The following EMC8 variants were observed in gnomAD, a reference collection of about 807,000 sequenced individuals.
The protein encoded by EMC8 is ER membrane protein complex subunit 8.
In EMC8, 11 loss-of-function variants were observed where a neutral mutation model predicts 24.3. That is an observed-to-expected ratio of 0.45 (90% CI 0.28 to 0.75). EMC8 has a LOEUF of 0.75. Among genes scored for constraint, EMC8 ranks in the 30% least tolerant of loss-of-function variants. EMC8 has a pLI of 0.12. For missense variants in EMC8, 277 were observed against 282.7 expected (o/e 0.98, Z 0.14); for synonymous variants, 145 against 117.7 (o/e 1.23, Z -1.50).
At chr16:85,781,448 A>G in intron 2 of EMC8, 168 bp from the exon 3 acceptor site, 1 of 593,994 alleles carries the variant, frequency 1.7e-6, no homozygotes, top group Non-Finnish European at 3.1e-6. Flanking sequence ...ATTTTTTGGT[A>G]GAGATAGGGT....
At chr16:85,781,985 C>A (rs561938777) in intron 2 of EMC8, 3 of 152,392 alleles carry the variant, frequency 2.0e-5, no homozygotes, top group Admixed American at 2.0e-4. Context: ...GGTAATGGGG[C>A]GCACCGTGTA....
In EMC8 at chr16:85,779,274, A is replaced by G; in HGVS notation, c.*434T>C. On this transcript the variant is annotated 3_prime_UTR_variant, in exon 5 of 5. Transcript: ENST00000253457. ...CCTGATCCCAGGACGCCTGGACGAC[A>G]TCAAAATTCAAACAGGATAAAAACT... is the stretch of plus-strand genomic sequence containing the variant. The G allele has an allele frequency of 6.0e-6, 1 of 165,800 alleles. No homozygotes were observed. Among genetic ancestry groups the G allele is most frequent in the South Asian group, 1.5e-4 (1 of 6,600 alleles). 10.3% of individuals were successfully genotyped at this position (165,800 alleles called of 1,614,324 possible). A position where few individuals can be genotyped will look rare whatever the true frequency, so the allele number is the denominator to read the frequency against.
Position 85,780,393 on chromosome 16 carries a change from G to A in EMC8, c.459C>T (p.Cys153=). 1.9e-6 allele frequency: 3 copies of A among 1,613,902 alleles called. No individual in the cohort carries two copies. Among genetic ancestry groups the A allele is most frequent in the Non-Finnish European group, 2.5e-6 (3 of 1,179,762 alleles). ...VYEHHENRWR[C]RDPHHDYCED... is the part of the protein sequence containing the mutation. ...GGCGCACTCACTGGTGTGGGTCTCT[G>A]CACCGCCATCTGTTCTCATGGTGCT... Residue 153 remains cysteine, a synonymous_variant, in exon 4 of 5, where the codon TGC becomes TGT. Coordinates refer to ENST00000253457, the MANE Select transcript of EMC8 (RefSeq NM_006067.5).
intron 3 of EMC8, 136 bp from the exon 4 acceptor site, chr16:85,780,609 A>G: frequency 3.1e-6 from 2 of 652,722 alleles, no homozygotes; most frequent in Admixed American, 2.2e-5. Context: ...GCCTGTATGC[A>G]GAGTGGCGCG....
intron 2 of EMC8, among the ~76,000 whole-genome samples, chr16:85,788,714 C>A (rs571917514): frequency 6.6e-6 from 1 of 152,234 alleles, no homozygotes; most frequent in African/African-American, 2.4e-5. Flanking sequence ...CGGAAGCCAA[C>A]TGTCGCTTTC....
chr16:85,790,940 C>T (rs937809307), intron 1 of EMC8, among the ~76,000 whole-genome samples: 1 of 152,136 alleles, frequency 6.6e-6, no homozygotes, highest in African/African-American at 2.4e-5. Flanking sequence ...GATCCTCCCA[C>T]CTCAGCCTCC....
chr16:85,793,942 A>G (rs1461740678), intron 1 of EMC8, among the ~76,000 whole-genome samples: 2 of 152,092 alleles, frequency 1.3e-5, no homozygotes, highest in Non-Finnish European at 2.9e-5. Context: ...AAAAGCATGC[A>G]CAAATGCAAG....
At chr16:85,794,546 G>A (rs951579419) in intron 1 of EMC8, among the ~76,000 whole-genome samples, 8 of 152,098 alleles carry the variant, frequency 5.3e-5, no homozygotes, top group African/African-American at 1.9e-4. Context: ...GAAATCAGCC[G>A]TGCGTGGCGG....
rs1905449190 is a variant in EMC8, at chr16:85,799,133, C to G, written c.163G>C (p.Val55Leu). 2 of 1,599,378 alleles carry G rather than the reference C, an allele frequency of 1.3e-6. No homozygotes were observed. Among genetic ancestry groups the G allele is most frequent in the East Asian group, 4.5e-5 (2 of 44,060 alleles). Residue 55 changes from valine (V) to leucine (L), a missense_variant, in exon 1 of 5, where the codon GTG becomes CTG. Val to Leu is a conservative substitution (Grantham distance 32). Transcript: ENST00000253457. The surrounding 1 kb of genome is among the most constrained non-coding windows in gnomAD (Gnocchi z 4.2). ...GGPGAHHTLF[V>L]DCIPLFHGTL... The stretch of plus-strand genomic sequence containing the variant: ...CCGTGGAAGAGGGGGATGCAGTCCA[C>G]GAAGAGGGTGTGGTGGGCGCCGGGG...
chr16:85,781,094 G>C, intron 3 of EMC8, 117 bp downstream of exon 3: 1 of 719,826 alleles, frequency 1.4e-6, no homozygotes, highest in East Asian at 2.7e-5. Flanking sequence ...GGCGGCAATG[G>C]TCTCAAGCAG....
chr16:85,785,519 G>A (rs572115397), intron 2 of EMC8, among the ~76,000 whole-genome samples: 8 of 152,222 alleles, frequency 5.3e-5, no homozygotes, highest in Admixed American at 2.0e-4. Flanking sequence ...GCATTGAGGC[G>A]AGATCGTGCC....
Position 85,799,259 on chromosome 16 carries a change from T to C in EMC8, c.37A>G (p.Lys13Glu). Residue 13 changes from lysine to glutamate, a missense_variant, in exon 1 of 5, where the codon AAG (lysine) becomes GAG (glutamate). Lys to Glu is a moderately conservative substitution (Grantham distance 56). Coordinates refer to ENST00000253457, the MANE Select transcript of EMC8 (RefSeq NM_006067.5). The surrounding 1 kb of genome is among the most constrained non-coding windows in gnomAD (Gnocchi z 4.2). ...GVKLTTQAYC[K>E]MVLHGAKYPH... ...TACTTGGCGCCGTGCAGCACCATCTTGCAGTAGGCCTGGGTGGTCAGTTTC... is the reference window on the plus strand; with the variant it reads ...TACTTGGCGCCGTGCAGCACCATCTCGCAGTAGGCCTGGGTGGTCAGTTTC... The C allele has an allele frequency of 6.2e-7, 1 of 1,612,114 alleles. No homozygotes were observed. The highest frequency in any genetic ancestry group is 8.5e-7 in the Non-Finnish European group (1 of 1,179,766).
intron 1 of EMC8, among the ~76,000 whole-genome samples, chr16:85,790,407 C>T (rs888604588): frequency 1.6e-4 from 25 of 152,132 alleles, no homozygotes; most frequent in African/African-American, 6.0e-4. Context: ...TTCTGGTCAT[C>T]CACCCAAAAG....
At chr16:85,783,898 C>A (rs903276207) in intron 2 of EMC8, among the ~76,000 whole-genome samples, 3 of 152,218 alleles carry the variant, frequency 2.0e-5, no homozygotes, top group African/African-American at 7.2e-5. Context: ...GGCTCTAACA[C>A]AGAGTCCATG....
chr16:85,799,145 G>A lies in EMC8; in HGVS notation c.151C>T (p.His51Tyr). Residue 51 changes from histidine to tyrosine, a missense_variant, in exon 1 of 5, where the codon CAC (histidine) becomes TAC (tyrosine). Physicochemically the swap from His to Tyr is moderately conservative, Grantham distance 83 (BLOSUM62 2). Transcript: ENST00000253457. This position sits in a 1 kb window ranked among gnomAD's most constrained non-coding sequence, Gnocchi z 4.2. Reference sequence around the variant, plus strand: ...GGGATGCAGTCCACGAAGAGGGTGTGGTGGGCGCCGGGGCCGCCCAGGGGG... The same window carrying A: ...GGGATGCAGTCCACGAAGAGGGTGTAGTGGGCGCCGGGGCCGCCCAGGGGG... ...HLPLGGPGAH[H>Y]TLFVDCIPLF... The A allele has an allele frequency of 6.2e-7, 1 of 1,604,284 alleles. No homozygotes were observed. Among genetic ancestry groups the A allele is most frequent in the Non-Finnish European group, 8.5e-7 (1 of 1,175,708 alleles).
chr16:85,790,284 A>G (rs1904943852), intron 1 of EMC8, among the ~76,000 whole-genome samples: 1 of 152,120 alleles, frequency 6.6e-6, no homozygotes, highest in South Asian at 2.1e-4. Context: ...CAGACAAGAC[A>G]GTTACAGTCC....
intron 2 of EMC8, among the ~76,000 whole-genome samples, chr16:85,785,947 G>A (rs909676007): frequency 6.6e-6 from 1 of 152,176 alleles, no homozygotes; most frequent in Non-Finnish European, 1.5e-5. Context: ...TAACTATGAA[G>A]CAAAACACTG....
chr16:85,781,750 T>C (rs745856490), intron 2 of EMC8: 11 of 162,130 alleles, frequency 6.8e-5, no homozygotes, highest in Non-Finnish European at 1.2e-4. Flanking sequence ...CCCAGCCTAC[T>C]TATTTATTTG....
rs4995481 is a variant in EMC8 at position 85,781,228 on chromosome 16, C to A, written c.361G>T (p.Asp121Tyr). The A allele has an allele frequency of 6.2e-7, 1 of 1,613,762 alleles. No individual in the cohort carries two copies. Among genetic ancestry groups the A allele is most frequent in the South Asian group, 1.1e-5 (1 of 91,052 alleles). Reference sequence around the variant, plus strand: ...CGACTTACCATGATGAGCGCAGTGTCGCTGAAGCCCTCGGCGATTCTGGAG... The same window carrying A: ...CGACTTACCATGATGAGCGCAGTGTAGCTGAAGCCCTCGGCGATTCTGGAG... ...VASRIAEGFS[D>Y]TALIMVDNTK... is the part of the protein sequence containing the mutation. The change falls in exon 3 of 5, where the codon GAC (aspartate) becomes TAC (tyrosine). Residue 121 changes from aspartate (D) to tyrosine (Y), a missense_variant. Coordinates refer to ENST00000253457, the MANE Select transcript of EMC8 (RefSeq NM_006067.5).
Sources: gnomAD v4.1 joint callset for allele counts (sites outside exome capture counted in the v4.1 genomes callset) on GRCh38, gnomAD v4.1.1 for gene constraint, Gnocchi (gnomAD v3.1) non-coding constraint, MANE v1.5 for transcripts, NCBI Gene and HGNC (gene_info 2026-07-23, HGNC 2026-07-21) for gene names.